TSHR: variants seen among roughly 807,000 people sequenced by gnomAD.
TSHR encodes the protein thyrotropin receptor.
In TSHR, 51 loss-of-function variants were observed where a neutral mutation model predicts 64.1. The ratio of observed to expected loss-of-function variants is 0.80; its 90% CI spans 0.64 to 1.01. The LOEUF is 1.01. Ranked by LOEUF, TSHR falls within the 50% of genes least tolerant of loss-of-function variation. The probability of loss-of-function intolerance (pLI) is 0.00; values close to 1 mark genes in which losing one functional copy is unlikely to be tolerated. For missense variants in TSHR, 877 were observed against 942.8 expected, an observed-to-expected ratio of 0.93 and a Z score of 0.91; for synonymous variants, 361 against 361.9, an observed-to-expected ratio of 1.00 and a Z score of 0.03.
At chr14:81,061,374 C>G (rs1886224231) in intron 1 of TSHR, among the ~76,000 whole-genome samples, 1 of 151,902 alleles carries the variant, frequency 6.6e-6, no homozygotes, top group African/African-American at 2.4e-5. Flanking sequence ...TTCACAATAG[C>G]AAAAACATGG....
At chr14:81,104,453 G>A in intron 7 of TSHR, 1 of 985,378 alleles carries the variant, frequency 1.0e-6, no homozygotes, top group Non-Finnish European at 1.2e-6. Context: ...AAGTTCAGCA[G>A]CAATAGCAAA....
chr14:81,108,664 T>G, intron 8 of TSHR: 1 of 1,614,002 alleles, frequency 6.2e-7, no homozygotes, highest in Middle Eastern at 1.6e-4. Flanking sequence ...GGCCCCACGC[T>G]CCAGTATGCC....
intron 1 of TSHR, among the ~76,000 whole-genome samples, chr14:81,007,353 G>T (rs1889655089): frequency 6.6e-6 from 1 of 152,222 alleles, no homozygotes. Flanking sequence ...GTCTCCCTGA[G>T]CAACTCTTGA....
intron 1 of TSHR, among the ~76,000 whole-genome samples, chr14:80,973,202 G>A (rs1255565892): frequency 3.3e-5 from 5 of 151,830 alleles, no homozygotes; most frequent in African/African-American, 4.8e-5. Flanking sequence ...TCAGGAGATC[G>A]AGACCATCCT....
chr14:81,084,419 G>C (rs1013834257), intron 3 of TSHR, among the ~76,000 whole-genome samples: 7 of 151,766 alleles, frequency 4.6e-5, no homozygotes, highest in African/African-American at 7.3e-5. Context: ...AAACCTATCT[G>C]CTAGATGTGA....
Position 81,144,739 on chromosome 14 carries a change from T to C in TSHR, c.*386T>C. 3.7e-6 allele frequency: 1 copy of C among 268,534 alleles called. No homozygotes were observed. The highest frequency in any genetic ancestry group is 7.1e-6 in the Non-Finnish European group (1 of 140,058). The allele number at this position is 268,534 out of a possible 1,614,324, so 16.6% of individuals were successfully genotyped here. A position where few individuals can be genotyped will look rare whatever the true frequency, so the allele number is the denominator to read the frequency against. On this transcript the variant is annotated 3_prime_UTR_variant, in exon 10 of 10. Transcript: ENST00000298171. ...TACTAAAGATTCAGCAAATGGAAAATGCTATTAATTTGGTTGGTGACCACA... is the reference window on the plus strand; with the variant it reads ...TACTAAAGATTCAGCAAATGGAAAACGCTATTAATTTGGTTGGTGACCACA...
In TSHR at chr14:81,000,222, G is replaced by A. The variant is rs111263239; in HGVS notation, c.170+44372G>A. On this transcript the variant is annotated intron_variant, in intron 1 of 9. Transcript: ENST00000298171. ...GCTGGGATTACAGGCGTGAGCCACC[G>A]CACCCGGCCAAAATTTTTAACTCCT... Among the ~76,000 whole-genome samples, 1,058 of 135,914 alleles carry A rather than the reference G, an allele frequency of 7.8e-3. 13 individuals are homozygous for A. Among genetic ancestry groups the A allele is most frequent in the African/African-American group, 0.027 (990 of 36,456 alleles). The allele number at this position is 135,914 out of a possible 152,430, so 89.2% of individuals were successfully genotyped here. A position where few individuals can be genotyped will look rare whatever the true frequency, so the allele number is the denominator to read the frequency against.
chr14:81,076,184 C>A (rs947802984), intron 3 of TSHR, among the ~76,000 whole-genome samples: 1 of 152,148 alleles, frequency 6.6e-6, no homozygotes, highest in Non-Finnish European at 1.5e-5. Flanking sequence ...AATAGTAGAT[C>A]ATTCTGTTCT....
chr14:81,007,784 A>G (rs979940197), intron 1 of TSHR, among the ~76,000 whole-genome samples: 2 of 152,248 alleles, frequency 1.3e-5, no homozygotes, highest in Non-Finnish European at 1.5e-5. Flanking sequence ...CTTATAATCA[A>G]TGAGAAGTAC....
intron 1 of TSHR, among the ~76,000 whole-genome samples, chr14:81,010,515 A>G (rs910846202): frequency 6.6e-6 from 1 of 151,532 alleles, no homozygotes; most frequent in African/African-American, 2.4e-5. Context: ...TTAAATTTAC[A>G]TTTTCTAAAT....
rs78406514 is a variant in TSHR, at chr14:81,102,175, G to GAA, written c.614+5484_614+5485dup. On this transcript the variant is annotated intron_variant, in intron 7 of 9. Transcript: ENST00000298171. ...AGACTGAGAGAGACTCCATCTCAGGGAAAAAAAAAAAAAAAAACTAAACAA... is the reference window on the plus strand; with the variant it reads ...AGACTGAGAGAGACTCCATCTCAGGGAAAAAAAAAAAAAAAAAAACTAAACAA... Among the ~76,000 whole-genome samples, 77 of 117,564 alleles carry GAA rather than the reference G, an allele frequency of 6.5e-4. 1 individual carries two copies. Among genetic ancestry groups the GAA allele is most frequent in the Middle Eastern group, 4.5e-3 (1 of 224 alleles). The allele number at this position is 117,564 out of a possible 152,430, so 77.1% of individuals were successfully genotyped here.
intron 1 of TSHR, among the ~76,000 whole-genome samples, chr14:80,960,022 T>A (rs1886933998): frequency 6.6e-6 from 1 of 152,224 alleles, no homozygotes; most frequent in Non-Finnish European, 1.5e-5. Context: ...TACAGACTAT[T>A]GTCTGTGAAT....
At chr14:81,029,670 T>C (rs1256001643) in intron 1 of TSHR, among the ~76,000 whole-genome samples, 2 of 152,224 alleles carry the variant, frequency 1.3e-5, no homozygotes, top group African/African-American at 4.8e-5. Context: ...TGTGCCATTC[T>C]GGGAAACTGT....
intron 1 of TSHR, chr14:81,012,029 C>A (rs956065765): frequency 6.6e-6 from 1 of 151,962 alleles, no homozygotes; most frequent in Non-Finnish European, 1.5e-5. Context: ...CATGCTGCTG[C>A]GCTGCACCCA....
At chr14:81,122,374 G>A (rs1595150149) in intron 8 of TSHR, among the ~76,000 whole-genome samples, 1 of 151,812 alleles carries the variant, frequency 6.6e-6, no homozygotes, top group Non-Finnish European at 1.5e-5. Flanking sequence ...ATTGGAGCAT[G>A]TAGAAAACTT....
At chr14:80,958,981 G>C (rs1028734045) in intron 1 of TSHR, among the ~76,000 whole-genome samples, 1 of 152,164 alleles carries the variant, frequency 6.6e-6, no homozygotes, top group East Asian at 1.9e-4. Context: ...TACAAATTAT[G>C]ATGGTGCCGA....
intron 1 of TSHR, among the ~76,000 whole-genome samples, chr14:81,024,899 T>G (rs1209076303): frequency 6.6e-6 from 1 of 150,866 alleles, no homozygotes; most frequent in Non-Finnish European, 1.5e-5. Flanking sequence ...CTAAATATAA[T>G]GAAAAATATG....
intron 8 of TSHR, among the ~76,000 whole-genome samples, chr14:81,115,023 C>T (rs550228732): frequency 1.3e-5 from 2 of 152,086 alleles, no homozygotes; most frequent in Non-Finnish European, 2.9e-5. Context: ...ACCAAAAACC[C>T]GTCTGTACAT....
chr14:81,088,269 A>G (rs1160056787), intron 4 of TSHR, among the ~76,000 whole-genome samples: 1 of 152,210 alleles, frequency 6.6e-6, no homozygotes, highest in Non-Finnish European at 1.5e-5. Context: ...AAATGCTATC[A>G]TGTATATGTG....
Sources: gnomAD v4.1 joint callset for allele counts (sites outside exome capture counted in the v4.1 genomes callset) on GRCh38, gnomAD v4.1.1 for gene constraint, MANE v1.5 for transcripts, NCBI Gene and HGNC (gene_info 2026-07-23, HGNC 2026-07-21) for gene names.